The following GALNT17 variants were observed in gnomAD, a reference collection of about 807,000 sequenced individuals.
GALNT17 encodes the protein polypeptide N-acetylgalactosaminyltransferase 17.
In GALNT17, 29 loss-of-function variants were observed where a neutral mutation model predicts 63.7. The observed-to-expected ratio is 0.46, with a 90% confidence interval of 0.34 to 0.62. The LOEUF (loss-of-function observed/expected upper bound fraction) is 0.62, where lower values mean the gene tolerates loss of function less well. GALNT17 is among the 20% of genes least tolerant of loss of function. GALNT17 has a pLI of 0.01. For synonymous variants in GALNT17, 305 were observed against 318.3 expected (o/e 0.96, Z 0.45); for missense variants, 603 against 799.6 (o/e 0.75, Z 2.97).
chr7:71,437,397 T>C (rs1255686036), intron 5 of GALNT17, among the ~76,000 whole-genome samples: 2 of 152,214 alleles, frequency 1.3e-5, no homozygotes, highest in Admixed American at 1.3e-4. Flanking sequence ...TTGCTATTTG[T>C]TCAAACAATC....
At chr7:71,252,973 C>G (rs1051516791) in intron 1 of GALNT17, among the ~76,000 whole-genome samples, 1 of 152,196 alleles carries the variant, frequency 6.6e-6, no homozygotes, top group Non-Finnish European at 1.5e-5. Flanking sequence ...CATCCCTCCA[C>G]TCATCTGAGC....
chr7:71,554,847 A>G (rs1022662505), intron 5 of GALNT17, among the ~76,000 whole-genome samples: 2 of 152,214 alleles, frequency 1.3e-5, no homozygotes, highest in South Asian at 2.1e-4. Flanking sequence ...TCCCCAGCCC[A>G]GGGAGAATTA....
intron 2 of GALNT17, among the ~76,000 whole-genome samples, chr7:71,363,758 C>T (rs1792450854): frequency 6.6e-6 from 1 of 152,334 alleles, no homozygotes; most frequent in East Asian, 1.9e-4. Flanking sequence ...GATTTAAGGA[C>T]AGCAAAAGGA....
At chr7:71,448,107 G>C (rs1787191500) in intron 5 of GALNT17, among the ~76,000 whole-genome samples, 1 of 152,162 alleles carries the variant, frequency 6.6e-6, no homozygotes, top group Non-Finnish European at 1.5e-5. Flanking sequence ...CCTTGGCTTA[G>C]AATTTGAAGA....
chr7:71,562,674 A>G (rs1374873973), intron 5 of GALNT17, among the ~76,000 whole-genome samples: 2 of 152,200 alleles, frequency 1.3e-5, no homozygotes, highest in African/African-American at 2.4e-5. Flanking sequence ...ATCTGTCAGT[A>G]CAGATGAAGC....
chr7:71,540,849 C>G (rs992473520), intron 5 of GALNT17, among the ~76,000 whole-genome samples: 6 of 152,148 alleles, frequency 3.9e-5, no homozygotes, highest in African/African-American at 1.4e-4. Context: ...AGTTAACTCT[C>G]AACAGCTGCT....
intron 5 of GALNT17, among the ~76,000 whole-genome samples, chr7:71,566,432 T>C (rs1007777560): frequency 1.3e-5 from 2 of 152,072 alleles, no homozygotes; most frequent in South Asian, 2.1e-4. Flanking sequence ...AAGCATAGGC[T>C]TTTGGGGAGA....
At chr7:71,181,826 G>C (rs1056632724) in intron 1 of GALNT17, among the ~76,000 whole-genome samples, 4 of 151,706 alleles carry the variant, frequency 2.6e-5, no homozygotes, top group Admixed American at 2.6e-4. Context: ...ACAGTGATCT[G>C]TGATGGCACC....
intron 5 of GALNT17, among the ~76,000 whole-genome samples, chr7:71,443,147 A>G (rs1365772756): frequency 6.6e-6 from 1 of 152,018 alleles, no homozygotes; most frequent in Non-Finnish European, 1.5e-5. Flanking sequence ...ACAGCTCTTC[A>G]TTTTCGAGGT....
intron 9 of GALNT17, among the ~76,000 whole-genome samples, chr7:71,678,199 A>C (rs929496882): frequency 6.6e-6 from 1 of 151,810 alleles, no homozygotes; most frequent in Non-Finnish European, 1.5e-5. Flanking sequence ...ATCTCAGCTC[A>C]GTGCAACCTC....
chr7:71,233,263 A>C (rs1226940554), intron 1 of GALNT17, among the ~76,000 whole-genome samples: 3 of 152,004 alleles, frequency 2.0e-5, no homozygotes, highest in Non-Finnish European at 4.4e-5. Flanking sequence ...GCCAATCCCT[A>C]CCTTGTGGCT....
intron 6 of GALNT17, among the ~76,000 whole-genome samples, chr7:71,588,984 G>T (rs567316556): frequency 6.6e-6 from 1 of 152,160 alleles, no homozygotes; most frequent in South Asian, 2.1e-4. Context: ...CCACATAAGG[G>T]TCAATACGGG....
chr7:71,702,288 A>G (rs1791662691), intron 9 of GALNT17, among the ~76,000 whole-genome samples: 1 of 152,120 alleles, frequency 6.6e-6, no homozygotes. Flanking sequence ...AACTTTTAAA[A>G]ATAGAAAAAC....
intron 1 of GALNT17, among the ~76,000 whole-genome samples, chr7:71,312,436 A>G (rs190991735): frequency 2.8e-4 from 43 of 151,916 alleles, no homozygotes; most frequent in African/African-American, 1.0e-3. Flanking sequence ...ACTACTGAAA[A>G]CTCTTGAAAA....
chr7:71,514,738 G>A (rs1788418590), intron 5 of GALNT17, among the ~76,000 whole-genome samples: 1 of 152,152 alleles, frequency 6.6e-6, no homozygotes, highest in African/African-American at 2.4e-5. Flanking sequence ...TTCTTGGTTT[G>A]CAGTTGCCAA....
At chr7:71,297,869 G>A (rs1299051134) in intron 1 of GALNT17, among the ~76,000 whole-genome samples, 12 of 152,192 alleles carry the variant, frequency 7.9e-5, no homozygotes. Flanking sequence ...CTTATGTCAA[G>A]TTCTGGAACA....
At chr7:71,655,674 A>C (rs1177190327) in intron 6 of GALNT17, among the ~76,000 whole-genome samples, 1 of 152,162 alleles carries the variant, frequency 6.6e-6, no homozygotes, top group Non-Finnish European at 1.5e-5. Flanking sequence ...CTAGAGAGTA[A>C]AATGATTGAT....
intron 1 of GALNT17, among the ~76,000 whole-genome samples, chr7:71,332,138 C>T (rs1791817971): frequency 6.6e-6 from 1 of 152,100 alleles, no homozygotes; most frequent in African/African-American, 2.4e-5. Flanking sequence ...CTCTGAAGAG[C>T]TTGTAATCTT....
intron 5 of GALNT17, among the ~76,000 whole-genome samples, chr7:71,483,778 G>A (rs1050583133): frequency 6.6e-6 from 1 of 152,082 alleles, no homozygotes; most frequent in African/African-American, 2.4e-5. Flanking sequence ...TGGACACTCT[G>A]ACAATAATCA....
Sources: allele counts gnomAD v4.1 joint callset (sites outside exome capture counted in the v4.1 genomes callset), GRCh38; gene constraint gnomAD v4.1.1; transcripts MANE v1.5; gene names NCBI Gene and HGNC (gene_info 2026-07-23, HGNC 2026-07-21).